The following NR6A1 variants were observed in gnomAD, a reference collection of about 807,000 sequenced individuals.
The protein encoded by NR6A1 is retinoic acid receptor-related testis-associated receptor.
A neutral mutation model predicts 59.1 loss-of-function variants in NR6A1; 7 were observed. That is an observed-to-expected ratio of 0.12 (90% CI 0.07 to 0.22). The LOEUF is 0.22. NR6A1 is among the 10% of genes least tolerant of loss of function. NR6A1 has a pLI of 1.00. For synonymous variants in NR6A1, 243 were observed against 236.1 expected (o/e 1.03, Z -0.27); for missense variants, 468 against 611.6 (o/e 0.77, Z 2.48).
chr9:124,763,674 A>G (rs942860901), intron 1 of NR6A1, among the ~76,000 whole-genome samples: 7 of 152,256 alleles, frequency 4.6e-5, no homozygotes, highest in African/African-American at 1.7e-4. Flanking sequence ...GATAAAGTAC[A>G]TAAGGCTACA....
At chr9:124,525,100 C>T (rs757011513) in intron 8 of NR6A1, among the ~76,000 whole-genome samples, 8 of 152,076 alleles carry the variant, frequency 5.3e-5, no homozygotes, top group Non-Finnish European at 1.0e-4. Flanking sequence ...CAGAGCCCCT[C>T]GAGGGTTAAG....
chr9:124,570,405 G>T (rs1166316729), intron 2 of NR6A1, among the ~76,000 whole-genome samples: 1 of 152,172 alleles, frequency 6.6e-6, no homozygotes, highest in Non-Finnish European at 1.5e-5. Context: ...AAGAAAAAAT[G>T]AGAAAAAGAC....
intron 2 of NR6A1, among the ~76,000 whole-genome samples, chr9:124,609,409 A>G (rs1835676317): frequency 6.6e-6 from 1 of 152,184 alleles, no homozygotes; most frequent in East Asian, 1.9e-4. Flanking sequence ...ATTGAAGATC[A>G]GATGGTTGTA....
At chr9:124,522,891 TGA>T in intron 9 of NR6A1, 98 bp from the exon 10 acceptor site, 1 of 892,564 alleles carries the variant, frequency 1.1e-6, no homozygotes, top group East Asian at 2.9e-5. Context: ...ATCACCTTGC[TGA>T]GTGACTGGGG....
chr9:124,707,968 C>G (rs1201014779), intron 2 of NR6A1, among the ~76,000 whole-genome samples: 2 of 152,186 alleles, frequency 1.3e-5, no homozygotes, highest in East Asian at 3.8e-4. Context: ...GGCTTTCCCA[C>G]ACATCTTTGC....
chr9:124,744,463 A>G (rs1399044209), intron 1 of NR6A1, among the ~76,000 whole-genome samples: 1 of 152,246 alleles, frequency 6.6e-6, no homozygotes, highest in Non-Finnish European at 1.5e-5. Context: ...AAGAGCCACA[A>G]AAGTCAAAAC....
Position 124,528,594 on chromosome 9 carries a change from G to A in NR6A1, c.1080-1694C>T, listed in dbSNP as rs149330949. Among the ~76,000 whole-genome samples the A allele has an allele frequency of 1.3e-3, 193 of 151,956 alleles. 1 individual carries two copies. The highest frequency in any genetic ancestry group is 4.4e-3 in the African/African-American group (181 of 41,426). On this transcript the variant is annotated intron_variant, in intron 7 of 9. Coordinates refer to ENST00000487099, the MANE Select transcript of NR6A1 (RefSeq NM_033334.4). ...TGCGTGCCTGTGGACCCAGCTACTC[G>A]GGAGGCTGAGGTGGGAGGATCACCT...
intron 2 of NR6A1, among the ~76,000 whole-genome samples, chr9:124,712,869 A>C (rs1278300668): frequency 1.3e-5 from 2 of 152,186 alleles, no homozygotes; most frequent in African/African-American, 4.8e-5. Context: ...TGAAAACATA[A>C]CTGATTTACA....
intron 2 of NR6A1, among the ~76,000 whole-genome samples, chr9:124,726,962 C>T (rs1413720986): frequency 6.6e-6 from 1 of 152,144 alleles, no homozygotes; most frequent in Non-Finnish European, 1.5e-5. Context: ...CAGGTGTCTA[C>T]AATATTAGAA....
intron 2 of NR6A1, among the ~76,000 whole-genome samples, chr9:124,720,740 T>C (rs1189269194): frequency 1.3e-5 from 2 of 152,192 alleles, no homozygotes; most frequent in Non-Finnish European, 2.9e-5. Flanking sequence ...AACTGAGTTA[T>C]TATAGCCTCA....
intron 9 of NR6A1, 44 bp from the exon 10 acceptor site, chr9:124,522,837 A>G: frequency 6.7e-7 from 1 of 1,488,330 alleles, no homozygotes; most frequent in Non-Finnish European, 9.1e-7. Context: ...TGGTCACTCT[A>G]GTGGACAGGC....
intron 1 of NR6A1, among the ~76,000 whole-genome samples, chr9:124,761,743 T>G (rs1840790255): frequency 6.6e-6 from 1 of 152,242 alleles, no homozygotes; most frequent in African/African-American, 2.4e-5. Context: ...GATCTTTATC[T>G]CTTATAAATT....
At chr9:124,650,542 G>A (rs908235150) in intron 2 of NR6A1, among the ~76,000 whole-genome samples, 4 of 152,182 alleles carry the variant, frequency 2.6e-5, no homozygotes, top group Non-Finnish European at 5.9e-5. Flanking sequence ...TAGGGCAACT[G>A]TGGTTCACAA....
intron 7 of NR6A1, among the ~76,000 whole-genome samples, chr9:124,533,622 T>G (rs531254306): frequency 8.6e-4 from 131 of 152,014 alleles, no homozygotes; most frequent in African/African-American, 3.0e-3. Context: ...GGGCTGCTAC[T>G]TTCCCCTCTC....
At chr9:124,729,546 TGCACTACAGCTTG>T (rs979663829) in intron 2 of NR6A1, among the ~76,000 whole-genome samples, 1 of 152,210 alleles carries the variant, frequency 6.6e-6, no homozygotes, top group African/African-American at 2.4e-5. Context: ...ACTATGCCAC[TGCACTACAGCTTG>T]GACAAAAGAG....
rs571793783 is a variant in NR6A1, at chr9:124,682,156, A to G, written c.142+51152T>C. 6.0e-4 allele frequency among the ~76,000 whole-genome samples: 91 copies of G among 151,998 alleles called. 1 individual carries two copies. The South Asian group carries it at 0.018, about 31-fold the overall frequency. On this transcript the variant is annotated intron_variant, in intron 2 of 9. Coordinates refer to ENST00000487099, the MANE Select transcript of NR6A1 (RefSeq NM_033334.4). ...ACTACAGGCGCCCACCACCATGCCCAGCTAATTTTTTCTTTTTGTATTTTT... is the reference window on the plus strand; with the variant it reads ...ACTACAGGCGCCCACCACCATGCCCGGCTAATTTTTTCTTTTTGTATTTTT...
chr9:124,679,388 C>T (rs1032054343), intron 2 of NR6A1, among the ~76,000 whole-genome samples: 1 of 152,108 alleles, frequency 6.6e-6, no homozygotes, highest in African/African-American at 2.4e-5. Flanking sequence ...GCAAGCTAGA[C>T]CTGTACAACT....
At chr9:124,674,535 A>T (rs915333680) in intron 2 of NR6A1, among the ~76,000 whole-genome samples, 15 of 152,166 alleles carry the variant, frequency 9.9e-5, no homozygotes, top group Non-Finnish European at 2.1e-4. Flanking sequence ...GCCCTCTTTT[A>T]AGTGCTTTAC....
chr9:124,533,959 T>C (rs1833175125), intron 7 of NR6A1, among the ~76,000 whole-genome samples: 1 of 151,834 alleles, frequency 6.6e-6, no homozygotes, highest in African/African-American at 2.4e-5. Flanking sequence ...AGGGGCACCT[T>C]TTCTTTTCTC....
Sources: gnomAD v4.1 joint callset for allele counts (sites outside exome capture counted in the v4.1 genomes callset) on GRCh38, gnomAD v4.1.1 for gene constraint, MANE v1.5 for transcripts, NCBI Gene and HGNC (gene_info 2026-07-23, HGNC 2026-07-21) for gene names.